The following MCAM variants were observed in gnomAD, a reference collection of about 807,000 sequenced individuals.
MCAM encodes the protein cell surface glycoprotein MUC18.
MCAM carries 55 observed loss-of-function variants against 79.1 expected under a neutral mutation model. The ratio of observed to expected loss-of-function variants is 0.70; its 90% CI spans 0.56 to 0.87. MCAM has a LOEUF of 0.87. Ranked by LOEUF, MCAM falls within the 40% of genes least tolerant of loss-of-function variation. MCAM has a pLI of 0.00. For synonymous variants in MCAM, 330 were observed against 339.8 expected (o/e 0.97, Z 0.32); for missense variants, 745 against 839.8 (o/e 0.89, Z 1.40).
Position 119,312,552 on chromosome 11 carries a change from G to A in MCAM, c.836C>T (p.Pro279Leu), listed in dbSNP as rs1950250522. The A allele has an allele frequency of 1.9e-6, 3 of 1,614,146 alleles. No individual in the cohort carries two copies. The highest frequency in any genetic ancestry group is 1.7e-6 in the Non-Finnish European group (2 of 1,180,034). ...CTGCTTGCTGATGCTGAAGTGTGGT[G>A]GAGGGTTGCCATCAGCCAAACACCT... ...EIRCLADGNP[P>L]PHFSISKQNP... The change falls in exon 7 of 16, where the codon CCA (proline) becomes CTA (leucine). Residue 279 changes from proline (P) to leucine (L), a missense_variant. Transcript: ENST00000264036. The surrounding 1 kb of genome is among the most constrained non-coding windows in gnomAD (Gnocchi z 4.9).
At position 119,317,036 on chromosome 11, in the gene MCAM, C is replaced by T. The variant is rs1419013303; in HGVS notation, c.66G>A (p.Ala22=). ...LAACCCCPRV[A]GVPGEAEQPA... ...CGGCCCCCCTGCGAGCGAACTCACC[C>T]GCGACGCGAGGACAGCAGCAGCAGG... Residue 22 remains alanine, a splice_region_variant and synonymous_variant, in exon 1 of 16, where the codon GCG becomes GCA. Transcript: ENST00000264036. This position sits in a 1 kb window ranked among gnomAD's most constrained non-coding sequence, Gnocchi z 6.2. 1 of 1,532,642 alleles carries T rather than the reference C, an allele frequency of 6.5e-7. No homozygotes were observed. The highest frequency in any genetic ancestry group is 1.4e-5 in the African/African-American group (1 of 71,734). 94.9% of individuals were successfully genotyped at this position (1,532,642 alleles called of 1,614,324 possible).
Position 119,315,154 on chromosome 11 carries a change from A to G in MCAM, c.177T>C (p.His59=), listed in dbSNP as rs1950293784. The G allele has an allele frequency of 3.1e-6, 5 of 1,613,432 alleles. No homozygotes were observed. Among genetic ancestry groups the G allele is most frequent in the South Asian group, 1.1e-5 (1 of 91,090 alleles). ...GLSQSQGNLS[H]VDWFSVHKEK... is the part of the protein sequence containing the mutation. ...AAGCACTCACAGAAAACCAGTCGACATGGCTGAGGTTGCCTTGGGACTGGG... is the reference window on the plus strand; with the variant it reads ...AAGCACTCACAGAAAACCAGTCGACGTGGCTGAGGTTGCCTTGGGACTGGG... Residue 59 remains histidine (H), a synonymous_variant, in exon 2 of 16, where the codon CAT becomes CAC. Transcript: ENST00000264036. This position sits in a 1 kb window ranked among gnomAD's most constrained non-coding sequence, Gnocchi z 4.4.
rs1488736659 is a variant in MCAM, at chr11:119,309,180, T to G, written c.*706A>C. 1.3e-5 allele frequency: 2 copies of G among 152,354 alleles called. No homozygotes were observed. Among genetic ancestry groups the G allele is most frequent in the African/African-American group, 2.4e-5 (1 of 41,448 alleles). 9.4% of individuals were successfully genotyped at this position (152,354 alleles called of 1,614,324 possible). Reference sequence around the variant, plus strand: ...TAGTAGAGACAGGGTTTCACCGTGTTAGCCAGGATGGTCTCGTCCTGACTT... The same window carrying G: ...TAGTAGAGACAGGGTTTCACCGTGTGAGCCAGGATGGTCTCGTCCTGACTT... On this transcript the variant is annotated 3_prime_UTR_variant, in exon 16 of 16. Coordinates refer to ENST00000264036, the MANE Select transcript of MCAM (RefSeq NM_006500.3).
rs1335269259 is a variant in MCAM at position 119,309,010 on chromosome 11, T to G, written c.*876A>C. The G allele has an allele frequency of 6.6e-6, 1 of 152,224 alleles. No homozygotes were observed. The highest frequency in any genetic ancestry group is 2.1e-4 in the South Asian group (1 of 4,830). The allele number at this position is 152,224 out of a possible 1,614,324, so 9.4% of individuals were successfully genotyped here. A position where few individuals can be genotyped will look rare whatever the true frequency, so the allele number is the denominator to read the frequency against. The stretch of plus-strand genomic sequence containing the variant: ...TCCTCGAGACGGAGTCTCGCTGTGT[T>G]GCCCAGGCTGGAGTGCAGTGGCACG... On this transcript the variant is annotated 3_prime_UTR_variant, in exon 16 of 16. Transcript: ENST00000264036.
In MCAM at chr11:119,314,759, A is replaced by T. The variant is rs142097937; in HGVS notation, c.401-10T>A. The T allele has an allele frequency of 1.2e-6, 2 of 1,613,670 alleles. No homozygotes were observed. The highest frequency in any genetic ancestry group is 1.7e-6 in the Non-Finnish European group (2 of 1,179,892). ...GGCTCCTCCGGAGCTTCTACAAGAA[A>T]ATAGAAATGAGGGGGACATCTGGCC... On this transcript the variant is annotated splice_polypyrimidine_tract_variant and intron_variant, in intron 3 of 15. Transcript: ENST00000264036.
chr11:119,309,202 A>ACTT lies in MCAM; in HGVS notation c.*681_*683dup, dbSNP rs1381327607. 2 of 152,358 alleles carry ACTT rather than the reference A, an allele frequency of 1.3e-5. No homozygotes were observed. Among genetic ancestry groups the ACTT allele is most frequent in the East Asian group, 3.9e-4 (2 of 5,194 alleles). 9.4% of individuals were successfully genotyped at this position (152,358 alleles called of 1,614,324 possible). A position where few individuals can be genotyped will look rare whatever the true frequency, so the allele number is the denominator to read the frequency against. On this transcript the variant is annotated 3_prime_UTR_variant, in exon 16 of 16. Coordinates refer to ENST00000264036, the MANE Select transcript of MCAM (RefSeq NM_006500.3). Reference sequence around the variant, plus strand: ...TGTTAGCCAGGATGGTCTCGTCCTGACTTTGTGATCCGCCCGCCTCGGCCT... The same window carrying ACTT: ...TGTTAGCCAGGATGGTCTCGTCCTGACTTCTTTGTGATCCGCCCGCCTCGGCCT...
Position 119,311,977 on chromosome 11 carries a change from T to C in MCAM, c.1144-28A>G, listed in dbSNP as rs762369911. 4 of 1,612,570 alleles carry C rather than the reference T, an allele frequency of 2.5e-6. No individual in the cohort carries two copies. The highest frequency in any genetic ancestry group is 3.4e-6 in the Non-Finnish European group (4 of 1,179,602). ...GGGATGAGAGATGGGTCAGAGGGTC[T>C]GGGAAAGAGCACATTCTTGTCACCG... is the stretch of plus-strand genomic sequence containing the variant. On this transcript the variant is annotated intron_variant, in intron 9 of 15. Coordinates refer to ENST00000264036, the MANE Select transcript of MCAM (RefSeq NM_006500.3). This position sits in a 1 kb window ranked among gnomAD's most constrained non-coding sequence, Gnocchi z 4.4.
chr11:119,312,565 C>T lies in MCAM; in HGVS notation c.823G>A (p.Asp275Asn), dbSNP rs1367585745. 1.2e-6 allele frequency: 2 copies of T among 1,614,174 alleles called. No homozygotes were observed. Among genetic ancestry groups the T allele is most frequent in the Non-Finnish European group, 1.7e-6 (2 of 1,180,036 alleles). ...CTGAAGTGTGGTGGAGGGTTGCCAT[C>T]AGCCAAACACCTGATTTCCACGCGG... is the stretch of plus-strand genomic sequence containing the variant. The part of the protein sequence containing the change: ...GDRVEIRCLA[D>N]GNPPPHFSIS... The change falls in exon 7 of 16, where the codon GAT (aspartate) becomes AAT (asparagine). Residue 275 changes from aspartate (D) to asparagine (N), a missense_variant. Transcript: ENST00000264036. The surrounding 1 kb of genome is among the most constrained non-coding windows in gnomAD (Gnocchi z 4.9).
intron 5 of MCAM, chr11:119,313,303 T>C (rs1463171152): frequency 4.5e-6 from 6 of 1,327,814 alleles, no homozygotes; most frequent in Admixed American, 4.5e-5. Context: ...TTGATCTAAA[T>C]AGACTGACCC....
In MCAM at chr11:119,308,902, C is replaced by T. The variant is rs1345223132; in HGVS notation, c.*984G>A. 6.6e-6 allele frequency: 1 copy of T among 152,242 alleles called. No individual in the cohort carries two copies. The highest frequency in any genetic ancestry group is 6.5e-5 in the Admixed American group (1 of 15,282). The allele number at this position is 152,242 out of a possible 1,614,324, so 9.4% of individuals were successfully genotyped here. A position where few individuals can be genotyped will look rare whatever the true frequency, so the allele number is the denominator to read the frequency against. ...AAGAGGGCTATGGGAGCCAAGTGAA[C>T]ACGGGGGATTGAGGCTAATTCACCT... On this transcript the variant is annotated 3_prime_UTR_variant, in exon 16 of 16. Transcript: ENST00000264036.
At position 119,311,374 on chromosome 11, in the gene MCAM, A is replaced by G. The variant is rs1405225068; in HGVS notation, c.1455T>C (p.Asn485=). 6.2e-7 allele frequency: 1 copy of G among 1,614,168 alleles called. No individual in the cohort carries two copies. Among genetic ancestry groups the G allele is most frequent in the South Asian group, 1.1e-5 (1 of 91,078 alleles). ...CCAACAGCTCCGGGGTCACGAGGACATTCAGGGTGCTCAGGACTCGCTGTG... is the reference window on the plus strand; with the variant it reads ...CCAACAGCTCCGGGGTCACGAGGACGTTCAGGGTGCTCAGGACTCGCTGTG... The part of the protein sequence containing the change: ...QDPQRVLSTL[N]VLVTPELLET... Residue 485 remains asparagine (N), a synonymous_variant, in exon 12 of 16, where the codon AAT becomes AAC. Coordinates refer to ENST00000264036, the MANE Select transcript of MCAM (RefSeq NM_006500.3). This position sits in a 1 kb window ranked among gnomAD's most constrained non-coding sequence, Gnocchi z 4.4.
chr11:119,315,038 G>T lies in MCAM; in HGVS notation c.195C>A (p.Val65=). The part of the protein sequence containing the change: ...GNLSHVDWFS[V]HKEKRTLIFR... ...AGATGAGCGTCCGCTTCTCCTTGTG[G>T]ACCTAATGGGAGGAGACACAGAGGA... The change falls in exon 3 of 16, where the codon GTC becomes GTA. Residue 65 remains valine (V), a splice_region_variant and synonymous_variant. Transcript: ENST00000264036. The surrounding 1 kb of genome is among the most constrained non-coding windows in gnomAD (Gnocchi z 4.4). 6.2e-7 allele frequency: 1 copy of T among 1,608,340 alleles called. No individual in the cohort carries two copies. The highest frequency in any genetic ancestry group is 8.5e-7 in the Non-Finnish European group (1 of 1,179,788).
At chr11:119,314,294 C>T in intron 5 of MCAM, 195 bp downstream of exon 5, 1 of 572,216 alleles carries the variant, frequency 1.7e-6, no homozygotes, top group Non-Finnish European at 3.1e-6. Context: ...TATCTGGGAC[C>T]ACAGGCACAC....
At position 119,310,384 on chromosome 11, in the gene MCAM, C is replaced by T. The variant is rs1950213622; in HGVS notation, c.1876G>A (p.Gly626Ser). 6.2e-7 allele frequency: 1 copy of T among 1,613,944 alleles called. No individual in the cohort carries two copies. Among genetic ancestry groups the T allele is most frequent in the Admixed American group, 1.7e-5 (1 of 60,010 alleles). Residue 626 changes from glycine to serine, a missense_variant, in exon 15 of 16, where the codon GGC (glycine) becomes AGC (serine). Transcript: ENST00000264036. ...KLPEEMGLLQ[G>S]SSGDKRAPGD... ...GGAGCCCTCTTGTCACCGCTGCTGC[C>T]CTGCAGGAGGCCCATCTCTTCTGGG...
At chr11:119,310,989 A>T in intron 13 of MCAM, 86 bp from the exon 14 acceptor site, 5 of 1,613,544 alleles carry the variant, frequency 3.1e-6, no homozygotes, top group Non-Finnish European at 4.2e-6. Context: ...GGCCGACAAG[A>T]TGGGGCTGCT....
In MCAM at chr11:119,315,489, A is replaced by G. The variant is rs1950299957; in HGVS notation, c.68-226T>C. 1 of 569,712 alleles carries G rather than the reference A, an allele frequency of 1.8e-6. No individual in the cohort carries two copies. Among genetic ancestry groups the G allele is most frequent in the Non-Finnish European group, 3.1e-6 (1 of 320,040 alleles). 35.3% of individuals were successfully genotyped at this position (569,712 alleles called of 1,614,324 possible). A position where few individuals can be genotyped will look rare whatever the true frequency, so the allele number is the denominator to read the frequency against. Reference sequence around the variant, plus strand: ...GGAGCCAAGCAGAGATTGAGCAGAGACTGAGCACCGAACAGCTCCAGCTGA... The same window carrying G: ...GGAGCCAAGCAGAGATTGAGCAGAGGCTGAGCACCGAACAGCTCCAGCTGA... On this transcript the variant is annotated intron_variant, in intron 1 of 15. Transcript: ENST00000264036. The surrounding 1 kb of genome is among the most constrained non-coding windows in gnomAD (Gnocchi z 4.4).
rs939033995 is a variant in MCAM at position 119,311,080 on chromosome 11, C to G, written c.1645+10G>C. ...GGCACAGCCCTGTTCTCTTGCCAGG[C>G]CTGGCTTACCTGTGGAGGTGCTGTT... On this transcript the variant is annotated intron_variant, in intron 13 of 15. Coordinates refer to ENST00000264036, the MANE Select transcript of MCAM (RefSeq NM_006500.3). The surrounding 1 kb of genome is among the most constrained non-coding windows in gnomAD (Gnocchi z 4.4). 1 of 1,614,088 alleles carries G rather than the reference C, an allele frequency of 6.2e-7. No homozygotes were observed. Among genetic ancestry groups the G allele is most frequent in the Non-Finnish European group, 8.5e-7 (1 of 1,180,046 alleles).
rs1467851990 is a variant in MCAM, at chr11:119,311,388, G to A, written c.1441C>T (p.Leu481=). ...SEQDQDPQRV[L]STLNVLVTPE... is the part of the protein sequence containing the mutation. ...GTCACGAGGACATTCAGGGTGCTCA[G>A]GACTCGCTGTGGATCTTGGTCTTGT... Residue 481 remains leucine, a synonymous_variant, in exon 12 of 16, where the codon CTG becomes TTG. Transcript: ENST00000264036. The surrounding 1 kb of genome is among the most constrained non-coding windows in gnomAD (Gnocchi z 4.4). The A allele has an allele frequency of 1.2e-6, 2 of 1,614,180 alleles. No individual in the cohort carries two copies. The highest frequency in any genetic ancestry group is 1.7e-6 in the Non-Finnish European group (2 of 1,180,036).
Position 119,309,677 on chromosome 11 carries a change from A to T in MCAM, c.*209T>A. On this transcript the variant is annotated 3_prime_UTR_variant, in exon 16 of 16. Coordinates refer to ENST00000264036, the MANE Select transcript of MCAM (RefSeq NM_006500.3). ...GGATGAGCTTCACTCAACGTGGAGG[A>T]GATGGTGGTGGACTGGTCCCTGAAA... The T allele has an allele frequency of 5.5e-6, 3 of 543,088 alleles. No individual in the cohort carries two copies. The highest frequency in any genetic ancestry group is 9.9e-6 in the Non-Finnish European group (3 of 303,258). 33.6% of individuals were successfully genotyped at this position (543,088 alleles called of 1,614,324 possible). A position where few individuals can be genotyped will look rare whatever the true frequency, so the allele number is the denominator to read the frequency against.
Sources: allele counts gnomAD v4.1 joint callset, GRCh38; gene constraint gnomAD v4.1.1; non-coding constraint Gnocchi (gnomAD v3.1); transcripts MANE v1.5; gene names NCBI Gene and HGNC (gene_info 2026-07-23, HGNC 2026-07-21).